The following SLC25A12 variants were observed in gnomAD, a reference collection of about 807,000 sequenced individuals.
SLC25A12 encodes solute carrier family 25 member 12.
SLC25A12 carries 32 observed loss-of-function variants against 83.3 expected under a neutral mutation model. The ratio of observed to expected loss-of-function variants is 0.38; its 90% CI spans 0.29 to 0.52. The LOEUF is 0.52. SLC25A12 is among the 20% of genes least tolerant of loss of function. The pLI, the probability that SLC25A12 is intolerant of heterozygous loss-of-function variation, is 0.84. For missense variants in SLC25A12, 611 were observed against 835.6 expected (o/e 0.73, Z 3.31); for synonymous variants, 267 against 291.1 (o/e 0.92, Z 0.84).
chr2:171,875,910 C>A (rs1481091684), intron 2 of SLC25A12, among the ~76,000 whole-genome samples: 332 of 98,812 alleles, frequency 3.4e-3, no homozygotes, highest in African/African-American at 6.3e-3. Context: ...GACTCTGTCT[C>A]AAAAAAAAAA....
chr2:171,831,119 C>T (rs1428851796), intron 8 of SLC25A12, among the ~76,000 whole-genome samples: 2 of 152,316 alleles, frequency 1.3e-5, no homozygotes, highest in South Asian at 4.1e-4. Context: ...TCCATCTTTA[C>T]AACAGTTTTG....
At chr2:171,865,088 A>G (rs1685258178) in intron 3 of SLC25A12, among the ~76,000 whole-genome samples, 1 of 152,088 alleles carries the variant, frequency 6.6e-6, no homozygotes, top group Non-Finnish European at 1.5e-5. Context: ...CTTTTTTATT[A>G]TCTTTTTGTG....
At chr2:171,893,183 C>G (rs754805096) in intron 2 of SLC25A12, 22 bp downstream of exon 2, 1 of 1,609,590 alleles carries the variant, frequency 6.2e-7, no homozygotes, top group Admixed American at 1.7e-5. Context: ...CAATGAAAGG[C>G]ACACTATGCA....
At chr2:171,795,819 A>G (rs1004389484) in intron 13 of SLC25A12, among the ~76,000 whole-genome samples, 1 of 118,786 alleles carries the variant, frequency 8.4e-6, no homozygotes. Context: ...TCTCTCTTTT[A>G]GAAATAATTG....
chr2:171,867,636 GGGGAGAGGGAGA>G (rs539181457), intron 3 of SLC25A12, among the ~76,000 whole-genome samples: 5 of 151,874 alleles, frequency 3.3e-5, no homozygotes, highest in African/African-American at 4.9e-5. Flanking sequence ...GGGAGACCGT[GGGGAGAGGGAGA>G]GGGAGAGGGA....
At chr2:171,788,192 C>A in intron 15 of SLC25A12, 1 of 445,940 alleles carries the variant, frequency 2.2e-6, no homozygotes, top group Non-Finnish European at 4.0e-6. Flanking sequence ...TTGCATGATC[C>A]CAAATAACTG....
At chr2:171,893,796 T>C (rs966840616) in intron 1 of SLC25A12, among the ~76,000 whole-genome samples, 8 of 152,156 alleles carry the variant, frequency 5.3e-5, no homozygotes, top group African/African-American at 7.2e-5. Flanking sequence ...CTCGGCCTTA[T>C]TGAGGCCCCA....
At chr2:171,893,576 C>T (rs1685989988) in intron 1 of SLC25A12, among the ~76,000 whole-genome samples, 1 of 152,184 alleles carries the variant, frequency 6.6e-6, no homozygotes, top group Admixed American at 6.5e-5. Context: ...CACCCACCTT[C>T]AAATCAAGAA....
intron 3 of SLC25A12, 96 bp from the exon 4 acceptor site, chr2:171,856,045 C>A (rs1301903501): frequency 1.3e-6 from 1 of 770,316 alleles, no homozygotes; most frequent in African/African-American, 1.7e-5. Context: ...CTCAGGGTAA[C>A]CAAATAATTG....
In SLC25A12 at chr2:171,800,206, AT is replaced by A. The variant is rs563920881; in HGVS notation, c.1306-6440del. 6.6e-4 allele frequency among the ~76,000 whole-genome samples: 101 copies of A among 152,284 alleles called. 1 individual carries two copies. Among genetic ancestry groups the A allele is most frequent in the African/African-American group, 2.1e-3 (86 of 41,568 alleles). On this transcript the variant is annotated intron_variant, in intron 13 of 17. Coordinates refer to ENST00000422440, the MANE Select transcript of SLC25A12 (RefSeq NM_003705.5). ...AAACAAGTCACAAACTGGCAAAAAAATATCCACAACACATCTGTTTGACAAA... is the reference window on the plus strand; with the variant it reads ...AAACAAGTCACAAACTGGCAAAAAAAATCCACAACACATCTGTTTGACAAA...
At chr2:171,855,204 T>C (rs1028671618) in intron 4 of SLC25A12, among the ~76,000 whole-genome samples, 6 of 152,236 alleles carry the variant, frequency 3.9e-5, no homozygotes, top group Non-Finnish European at 8.8e-5. Context: ...GTATCTTTAA[T>C]ATATGGTTAC....
At chr2:171,820,871 C>T (rs933014310) in intron 9 of SLC25A12, among the ~76,000 whole-genome samples, 1 of 151,998 alleles carries the variant, frequency 6.6e-6, no homozygotes, top group African/African-American at 2.4e-5. Context: ...CCCACCTCCT[C>T]TTTTATCTCA....
At chr2:171,866,767 A>C (rs1216401807) in intron 3 of SLC25A12, among the ~76,000 whole-genome samples, 1 of 97,040 alleles carries the variant, frequency 1.0e-5, no homozygotes, top group Non-Finnish European at 2.1e-5. Flanking sequence ...TGGGGGGCTG[A>C]CCCCCCCCAC....
intron 13 of SLC25A12, among the ~76,000 whole-genome samples, chr2:171,806,241 C>A (rs1405783306): frequency 6.6e-6 from 1 of 152,210 alleles, no homozygotes; most frequent in African/African-American, 2.4e-5. Context: ...CGGTGGATCA[C>A]CTGAGGTCGG....
intron 2 of SLC25A12, among the ~76,000 whole-genome samples, chr2:171,871,286 C>T (rs943680400): frequency 1.3e-5 from 2 of 152,112 alleles, no homozygotes; most frequent in African/African-American, 2.4e-5. Flanking sequence ...ACCCAGTGGC[C>T]GGGCGCAGTG....
intron 4 of SLC25A12, chr2:171,845,625 G>A (rs1684780263): frequency 4.9e-6 from 1 of 203,462 alleles, no homozygotes; most frequent in African/African-American, 2.3e-5. Flanking sequence ...ATTGTAAATG[G>A]TTTAATGGAT....
At position 171,851,492 on chromosome 2, in the gene SLC25A12, TAA is replaced by T. The variant is rs367909612; in HGVS notation, c.325+4340_325+4341del. Reference sequence around the variant, plus strand: ...GCGTGAGCCACTGCGCCTGGCCCCTTAAAAAAAAAAAAAAAAAAGGATTAAAT... The same window carrying T: ...GCGTGAGCCACTGCGCCTGGCCCCTTAAAAAAAAAAAAAAAAGGATTAAAT... On this transcript the variant is annotated intron_variant, in intron 4 of 17. Transcript: ENST00000422440. Among the ~76,000 whole-genome samples, 536 of 126,812 alleles carry T rather than the reference TAA, an allele frequency of 4.2e-3. 4 individuals are homozygous for T. The highest frequency in any genetic ancestry group is 0.025 in the East Asian group (115 of 4,638). 83.2% of individuals were successfully genotyped at this position (126,812 alleles called of 152,430 possible).
At chr2:171,788,045 G>A in intron 15 of SLC25A12, 98 bp from the exon 16 acceptor site, 1 of 1,251,532 alleles carries the variant, frequency 8.0e-7, no homozygotes, top group Non-Finnish European at 1.1e-6. Flanking sequence ...TCAACCACTT[G>A]AGCGGAACTC....
rs113538680 is a variant in SLC25A12, at chr2:171,839,230, G to A, written c.466-1963C>T. Among the ~76,000 whole-genome samples, 31 of 152,228 alleles carry A rather than the reference G, an allele frequency of 2.0e-4. 2 individuals are homozygous for A. Among genetic ancestry groups the A allele is most frequent in the African/African-American group, 7.0e-4 (29 of 41,544 alleles). On this transcript the variant is annotated intron_variant, in intron 5 of 17. Coordinates refer to ENST00000422440, the MANE Select transcript of SLC25A12 (RefSeq NM_003705.5). ...TTTTCAAGTTTGAGAATTTTATAAG[G>A]TGAGTTAGATAAGCACTAACAGGGA...
Sources: gnomAD v4.1 joint callset for allele counts (sites outside exome capture counted in the v4.1 genomes callset) on GRCh38, gnomAD v4.1.1 for gene constraint, MANE v1.5 for transcripts, NCBI Gene and HGNC (gene_info 2026-07-23, HGNC 2026-07-21) for gene names.